Variants in SNAP29 observed in about 807,000 individuals in gnomAD.
The protein encoded by SNAP29 is synaptosomal-associated protein 29.
A neutral mutation model predicts 27.9 loss-of-function variants in SNAP29; 13 were observed. That is an observed-to-expected ratio of 0.47 (90% CI 0.30 to 0.74). The LOEUF is 0.74. SNAP29 is among the 30% of genes least tolerant of loss of function. The pLI, the probability that SNAP29 is intolerant of heterozygous loss-of-function variation, is 0.06. For missense variants in SNAP29, 368 were observed against 336.5 expected (o/e 1.09, Z -0.73); for synonymous variants, 119 against 127.1 (o/e 0.94, Z 0.43).
intron 1 of SNAP29, among the ~76,000 whole-genome samples, chr22:20,866,791 G>A (rs1928470096): frequency 6.6e-6 from 1 of 152,150 alleles, no homozygotes; most frequent in Admixed American, 6.6e-5. Flanking sequence ...AGTCCAAATG[G>A]ACAGGACCCC....
chr22:20,878,625 T>G (rs1049738862), intron 2 of SNAP29, among the ~76,000 whole-genome samples: 2 of 151,344 alleles, frequency 1.3e-5, no homozygotes, highest in Non-Finnish European at 2.9e-5. Flanking sequence ...CTGGGCTACT[T>G]AGGGGGTGGG....
chr22:20,875,613 G>GT (rs1928720952), intron 2 of SNAP29, among the ~76,000 whole-genome samples: 1 of 152,188 alleles, frequency 6.6e-6, no homozygotes, highest in South Asian at 2.1e-4. Context: ...GCACATGGCA[G>GT]TAAAAGCACA....
intron 1 of SNAP29, among the ~76,000 whole-genome samples, chr22:20,867,385 G>T (rs2147862451): frequency 6.6e-6 from 1 of 152,224 alleles, no homozygotes; most frequent in Middle Eastern, 3.4e-3. Flanking sequence ...GCCTGTCTTG[G>T]TGGTGGCTGG....
At chr22:20,878,775 G>T (rs1407145681) in intron 2 of SNAP29, among the ~76,000 whole-genome samples, 1 of 152,166 alleles carries the variant, frequency 6.6e-6, no homozygotes, top group African/African-American at 2.4e-5. Context: ...AGAGCAGGCT[G>T]TTGGGGAGGC....
rs1251068081 is a variant in SNAP29 at position 20,889,869 on chromosome 22, G to GT, written c.*2034dup. On this transcript the variant is annotated 3_prime_UTR_variant, in exon 5 of 5. Coordinates refer to ENST00000215730, the MANE Select transcript of SNAP29 (RefSeq NM_004782.4). ...AGTGATTCAACTGACTTGAAGCACAGTAACATCTTATTTTATGCACATTCC... is the reference window on the plus strand; with the variant it reads ...AGTGATTCAACTGACTTGAAGCACAGTTAACATCTTATTTTATGCACATTCC... 6.1e-6 allele frequency: 1 copy of GT among 163,254 alleles called. No individual in the cohort carries two copies. The highest frequency in any genetic ancestry group is 1.3e-5 in the Non-Finnish European group (1 of 75,624). 10.1% of individuals were successfully genotyped at this position (163,254 alleles called of 1,614,324 possible).
chr22:20,879,048 C>G (rs893042046), intron 2 of SNAP29, among the ~76,000 whole-genome samples: 2 of 152,242 alleles, frequency 1.3e-5, no homozygotes, highest in Admixed American at 6.5e-5. Flanking sequence ...TGGCTCACGC[C>G]TGTAATCCCA....
At chr22:20,862,945 G>T (rs560328206) in intron 1 of SNAP29, among the ~76,000 whole-genome samples, 2 of 152,096 alleles carry the variant, frequency 1.3e-5, no homozygotes, top group Non-Finnish European at 1.5e-5. Flanking sequence ...CTAGAGTGCC[G>T]TGGTGCAATC....
chr22:20,889,365 C>T lies in SNAP29; in HGVS notation c.*1529C>T, dbSNP rs1929097529. On this transcript the variant is annotated 3_prime_UTR_variant, in exon 5 of 5. Coordinates refer to ENST00000215730, the MANE Select transcript of SNAP29 (RefSeq NM_004782.4). ...ACCTTCCTAAAAATATCCACAGCCT[C>T]CATAGGCAAGGTGAGCTTTCTGTGC... The T allele has an allele frequency of 6.6e-6, 1 of 152,202 alleles. No homozygotes were observed. The highest frequency in any genetic ancestry group is 6.5e-5 in the Admixed American group (1 of 15,270). 9.4% of individuals were successfully genotyped at this position (152,202 alleles called of 1,614,324 possible). A position where few individuals can be genotyped will look rare whatever the true frequency, so the allele number is the denominator to read the frequency against.
intron 2 of SNAP29, among the ~76,000 whole-genome samples, chr22:20,874,340 G>A (rs1375572902): frequency 2.6e-5 from 3 of 116,930 alleles, no homozygotes; most frequent in East Asian, 2.5e-4. Context: ...ACACACACAC[G>A]AAAATTAGCC....
rs1249721076 is a variant in SNAP29, at chr22:20,866,511, GC to G, written c.238-3823del. Among the ~76,000 whole-genome samples, 7 of 152,274 alleles carry G rather than the reference GC, an allele frequency of 4.6e-5. No individual in the cohort carries two copies. In the East Asian group the frequency reaches 1.4e-3, roughly 29 times the overall value. On this transcript the variant is annotated intron_variant, in intron 1 of 4. Transcript: ENST00000215730. ...TCAGTATGAGAAACACAGTATTGAT[GC>G]CCTTCCGTCAGGAACCTGGGGAGGT... is the stretch of plus-strand genomic sequence containing the variant.
intron 4 of SNAP29, among the ~76,000 whole-genome samples, chr22:20,885,661 C>T (rs985457828): frequency 1.3e-5 from 2 of 152,164 alleles, no homozygotes; most frequent in African/African-American, 4.8e-5. Context: ...GAGTACTGCC[C>T]GCCACTAGGA....
At chr22:20,861,617 T>A (rs1027289274) in intron 1 of SNAP29, among the ~76,000 whole-genome samples, 4 of 152,040 alleles carry the variant, frequency 2.6e-5, no homozygotes, top group Admixed American at 2.6e-4. Context: ...TTTTTGTTTT[T>A]GTTTTTGTTT....
intron 2 of SNAP29, among the ~76,000 whole-genome samples, chr22:20,872,793 C>CCTA (rs1928625145): frequency 7.1e-6 from 1 of 140,134 alleles, no homozygotes; most frequent in African/African-American, 2.7e-5. Flanking sequence ...GCCTCAGCCT[C>CCTA]CTAGAGTGCC....
At chr22:20,875,269 G>A (rs575923348) in intron 2 of SNAP29, among the ~76,000 whole-genome samples, 23 of 152,264 alleles carry the variant, frequency 1.5e-4, no homozygotes, top group Non-Finnish European at 2.2e-4. Flanking sequence ...TAAAGCTGAT[G>A]CGTTCCCGTC....
At chr22:20,863,390 A>G (rs976464572) in intron 1 of SNAP29, among the ~76,000 whole-genome samples, 1 of 152,212 alleles carries the variant, frequency 6.6e-6, no homozygotes, top group South Asian at 2.1e-4. Flanking sequence ...TACAAATTAT[A>G]TTAGGTTGGG....
At chr22:20,872,722 G>A (rs1371158291) in intron 2 of SNAP29, among the ~76,000 whole-genome samples, 1 of 149,958 alleles carries the variant, frequency 6.7e-6, no homozygotes, top group Non-Finnish European at 1.5e-5. Context: ...TTTTAGTAGA[G>A]ATGGGGTTTC....
rs779541145 is a variant in SNAP29, at chr22:20,870,475, A to G, written c.376A>G (p.Lys126Glu). The G allele has an allele frequency of 1.9e-6, 3 of 1,614,214 alleles. No individual in the cohort carries two copies. The South Asian group carries it at 3.3e-5, about 18-fold the overall frequency. ...FGGLVNYFKS[K>E]PVETPPEQNG... ...GGGGCTGGTCAATTACTTCAAATCCAAACCAGTAGAGACCCCACCTGAACA... is the reference window on the plus strand; with the variant it reads ...GGGGCTGGTCAATTACTTCAAATCCGAACCAGTAGAGACCCCACCTGAACA... Residue 126 changes from lysine to glutamate, a missense_variant, in exon 2 of 5, where the codon AAA (lysine) becomes GAA (glutamate). Lys to Glu is a moderately conservative substitution (Grantham distance 56, BLOSUM62 1). Coordinates refer to ENST00000215730, the MANE Select transcript of SNAP29 (RefSeq NM_004782.4).
At chr22:20,877,226 G>T (rs1263812448) in intron 2 of SNAP29, among the ~76,000 whole-genome samples, 2 of 152,000 alleles carry the variant, frequency 1.3e-5, no homozygotes, top group Non-Finnish European at 2.9e-5. Flanking sequence ...TTCAAGACCA[G>T]CCTAGCCAAC....
At chr22:20,864,810 A>G (rs1928419368) in intron 1 of SNAP29, among the ~76,000 whole-genome samples, 1 of 152,200 alleles carries the variant, frequency 6.6e-6, no homozygotes, top group Admixed American at 6.5e-5. Flanking sequence ...GGGGAAGGAA[A>G]GGAAGGAGGG....
Sources: gnomAD v4.1 joint callset for allele counts (sites outside exome capture counted in the v4.1 genomes callset) on GRCh38, gnomAD v4.1.1 for gene constraint, MANE v1.5 for transcripts, NCBI Gene and HGNC (gene_info 2026-07-23, HGNC 2026-07-21) for gene names.